ANKRD28: variants seen among roughly 807,000 people sequenced by gnomAD.
ANKRD28 encodes the protein ankyrin repeat domain 28.
In ANKRD28, 44 loss-of-function variants were observed where a neutral mutation model predicts 126.5. That is an observed-to-expected ratio of 0.35 (90% CI 0.27 to 0.45). The LOEUF is 0.45. Ranked by LOEUF, ANKRD28 falls within the 20% of genes least tolerant of loss-of-function variation. ANKRD28 has a pLI of 1.00. For missense variants in ANKRD28, 1,110 were observed against 1,316.6 expected (o/e 0.84, Z 2.43); for synonymous variants, 442 against 468.5 (o/e 0.94, Z 0.73).
chr3:15,776,077 G>T (rs1222108638), intron 2 of ANKRD28, among the ~76,000 whole-genome samples: 1 of 152,030 alleles, frequency 6.6e-6, no homozygotes, highest in East Asian at 1.9e-4. Flanking sequence ...AAATTACAAG[G>T]GTTTTTTAGA....
chr3:15,725,137 AAC>A lies in ANKRD28; in HGVS notation c.641-615_641-614del, dbSNP rs545746822. ...GACTGAAAATATTTGAAAACATAAA[AAC>A]AGTTAAAAAAATTAAAAATGCAGTA... is the stretch of plus-strand genomic sequence containing the variant. On this transcript the variant is annotated intron_variant, in intron 6 of 27. Transcript: ENST00000683139. Among the ~76,000 whole-genome samples, 328 of 152,250 alleles carry A rather than the reference AAC, an allele frequency of 2.2e-3. 3 individuals are homozygous for A. The highest frequency in any genetic ancestry group is 6.3e-4 in the Non-Finnish European group (43 of 68,024).
chr3:15,749,305 G>T (rs1234593580), intron 4 of ANKRD28, among the ~76,000 whole-genome samples: 1 of 150,526 alleles, frequency 6.6e-6, no homozygotes, highest in East Asian at 1.9e-4. Context: ...GTAGAGACGG[G>T]GTTTCACCTT....
chr3:15,714,150 G>C (rs534683929), intron 9 of ANKRD28, among the ~76,000 whole-genome samples: 132 of 152,168 alleles, frequency 8.7e-4, no homozygotes, highest in African/African-American at 3.1e-3. Context: ...AGTTTAGCTT[G>C]CCTGATATTA....
chr3:15,790,325 A>G (rs1205344094), intron 2 of ANKRD28, among the ~76,000 whole-genome samples: 3 of 152,110 alleles, frequency 2.0e-5, no homozygotes, highest in Non-Finnish European at 4.4e-5. Context: ...AAAACCAGAC[A>G]AAGACACATC....
chr3:15,854,593 A>G lies in ANKRD28; in HGVS notation c.27+4784T>C, dbSNP rs2061721996. Among the ~76,000 whole-genome samples, 1 of 152,258 alleles carries G rather than the reference A, an allele frequency of 6.6e-6. No homozygotes were observed. Among genetic ancestry groups the G allele is most frequent in the African/African-American group, 2.4e-5 (1 of 41,470 alleles). On this transcript the variant is annotated intron_variant, in intron 1 of 27. Coordinates refer to the ANKRD28 transcript ENST00000399451. This position sits in a 1 kb window ranked among gnomAD's most constrained non-coding sequence, Gnocchi z 4.1. ...TTTTGAACTGTATGTTACATTTTCA[A>G]TTAATATGCTCCACATGTTTTCCTT...
At chr3:15,719,062 A>T (rs1353867861) in intron 8 of ANKRD28, among the ~76,000 whole-genome samples, 1 of 152,202 alleles carries the variant, frequency 6.6e-6, no homozygotes, top group Admixed American at 6.5e-5. Flanking sequence ...TTACTAGGTG[A>T]TTTGACCGAG....
rs2061243098 is a variant in ANKRD28, at chr3:15,833,214, C to T, written c.27+26163G>A. On this transcript the variant is annotated intron_variant, in intron 1 of 27. Coordinates refer to the ANKRD28 transcript ENST00000399451. This position sits in a 1 kb window ranked among gnomAD's most constrained non-coding sequence, Gnocchi z 4.4. The stretch of plus-strand genomic sequence containing the variant: ...CAGTGGGCTGGGAAAGGCGGATCTA[C>T]CCTTAATCTGAGTAGGCACCATCTA... 6.6e-6 allele frequency among the ~76,000 whole-genome samples: 1 copy of T among 152,106 alleles called. No homozygotes were observed.
chr3:15,677,624 C>T (rs1456346948), intron 24 of ANKRD28, 62 bp from the exon 25 acceptor site: 5 of 1,281,516 alleles, frequency 3.9e-6, no homozygotes, highest in Non-Finnish European at 5.6e-6. Flanking sequence ...TTACCAATAA[C>T]TCACTGTAGA....
intron 6 of ANKRD28, among the ~76,000 whole-genome samples, chr3:15,734,337 G>A (rs76320062): frequency 0.013 from 1,935 of 152,312 alleles, 45 homozygotes; most frequent in African/African-American, 0.044. Flanking sequence ...AGAACAGAAA[G>A]TAATGAGGAT....
At chr3:15,826,777 G>T (rs1328002439) in intron 1 of ANKRD28, among the ~76,000 whole-genome samples, 1 of 152,150 alleles carries the variant, frequency 6.6e-6, no homozygotes, top group African/African-American at 2.4e-5. Context: ...AATTGGAGAA[G>T]AGTAGACTGG....
intron 10 of ANKRD28, among the ~76,000 whole-genome samples, chr3:15,712,448 C>T (rs2072434271): frequency 6.6e-6 from 1 of 152,158 alleles, no homozygotes; most frequent in Non-Finnish European, 1.5e-5. Flanking sequence ...TCATTATGGA[C>T]TTTGCTGGGG....
chr3:15,780,446 C>T (rs1485083870), intron 2 of ANKRD28, among the ~76,000 whole-genome samples: 1 of 152,028 alleles, frequency 6.6e-6, no homozygotes, highest in African/African-American at 2.4e-5. Flanking sequence ...AGAAGATATA[C>T]TGTGTTCATG....
At chr3:15,676,874 T>G in intron 26 of ANKRD28, 100 bp downstream of exon 26, 1 of 914,158 alleles carries the variant, frequency 1.1e-6, no homozygotes, top group South Asian at 1.7e-5. Context: ...CTTCTATGAC[T>G]AATGAAACCT....
At position 15,796,524 on chromosome 3, in the gene ANKRD28, G is replaced by A. The variant is rs1367190008; in HGVS notation, c.-3C>T. The A allele has an allele frequency of 1.6e-6, 2 of 1,279,794 alleles. No homozygotes were observed. Among genetic ancestry groups the A allele is most frequent in the Non-Finnish European group, 2.0e-6 (2 of 983,530 alleles). The allele number at this position is 1,279,794 out of a possible 1,614,324, so 79.3% of individuals were successfully genotyped here. A position where few individuals can be genotyped will look rare whatever the true frequency, so the allele number is the denominator to read the frequency against. On this transcript the variant is annotated 5_prime_UTR_variant, in exon 1 of 28. Coordinates refer to ENST00000683139, the MANE Select transcript of ANKRD28 (RefSeq NM_001349278.2). The stretch of plus-strand genomic sequence containing the variant: ...ACAACAATACACACTCGACTCATTC[G>A]ATCTTTTAAAACACTAAATTCCAAG...
chr3:15,781,989 CA>C (rs1237654439), intron 2 of ANKRD28, among the ~76,000 whole-genome samples: 6 of 152,076 alleles, frequency 3.9e-5, no homozygotes, highest in African/African-American at 1.4e-4. Context: ...CAGTGTTTTT[CA>C]ACCTTTTCTT....
chr3:15,786,024 G>T (rs939083742), intron 2 of ANKRD28, among the ~76,000 whole-genome samples: 1 of 151,946 alleles, frequency 6.6e-6, no homozygotes, highest in Non-Finnish European at 1.5e-5. Context: ...AATTACCAGG[G>T]ACTGGGGGGA....
At position 15,812,348 on chromosome 3, in the gene ANKRD28, A is replaced by T. The variant is rs1376964625; in HGVS notation, c.28-17042T>A. Among the ~76,000 whole-genome samples the T allele has an allele frequency of 6.6e-6, 1 of 152,186 alleles. No homozygotes were observed. The highest frequency in any genetic ancestry group is 6.5e-5 in the Admixed American group (1 of 15,276). Reference sequence around the variant, plus strand: ...AAATGAATTTTCAAATGGTGCCCTTAGGTAAATTTAGAAAGGGTTTGCAGT... The same window carrying T: ...AAATGAATTTTCAAATGGTGCCCTTTGGTAAATTTAGAAAGGGTTTGCAGT... On this transcript the variant is annotated intron_variant, in intron 1 of 27. Coordinates refer to the ANKRD28 transcript ENST00000399451. The surrounding 1 kb of genome is among the most constrained non-coding windows in gnomAD (Gnocchi z 4.1).
chr3:15,690,008 A>G lies in ANKRD28; in HGVS notation c.1963+11T>C, dbSNP rs2068602193. 1.3e-6 allele frequency: 2 copies of G among 1,593,434 alleles called. No homozygotes were observed. Among genetic ancestry groups the G allele is most frequent in the African/African-American group, 1.3e-5 (1 of 74,564 alleles). ...AAGTTATAAATAAATCAAGCATAATATCTGGCATACCTGCTGCATGAATAG... is the reference window on the plus strand; with the variant it reads ...AAGTTATAAATAAATCAAGCATAATGTCTGGCATACCTGCTGCATGAATAG... On this transcript the variant is annotated intron_variant, in intron 18 of 27. Coordinates refer to ENST00000683139, the MANE Select transcript of ANKRD28 (RefSeq NM_001349278.2).
At chr3:15,847,029 T>C (rs2061545237) in intron 1 of ANKRD28, among the ~76,000 whole-genome samples, 1 of 152,144 alleles carries the variant, frequency 6.6e-6, no homozygotes, top group Non-Finnish European at 1.5e-5. Flanking sequence ...AGCTAGTCTT[T>C]ACCACAAGAG....
Sources: allele counts gnomAD v4.1 joint callset (sites outside exome capture counted in the v4.1 genomes callset), GRCh38; gene constraint gnomAD v4.1.1; non-coding constraint Gnocchi (gnomAD v3.1); transcripts MANE v1.5; gene names NCBI Gene and HGNC (gene_info 2026-07-23, HGNC 2026-07-21).